Variants in ADAMTS18 observed in about 807,000 individuals in gnomAD.
ADAMTS18 encodes ADAM metallopeptidase with thrombospondin type 1 motif 18.
In ADAMTS18, 157 loss-of-function variants were observed where a neutral mutation model predicts 165.9. The observed-to-expected ratio is 0.95, with a 90% CI of 0.83 to 1.08. ADAMTS18 has a LOEUF of 1.08. ADAMTS18 is among the 50% of genes least tolerant of loss of function. The pLI is 0.00. For missense variants in ADAMTS18, 2,040 were observed against 1,534.0 expected, an observed-to-expected ratio of 1.33 and a Z score of -5.51; for synonymous variants, 782 against 578.2, an observed-to-expected ratio of 1.35 and a Z score of -5.06.
intron 3 of ADAMTS18, among the ~76,000 whole-genome samples, chr16:77,392,613 G>A (rs1650614735): frequency 2.6e-5 from 4 of 151,962 alleles, no homozygotes; most frequent in Non-Finnish European, 4.4e-5. Context: ...CTTTGCCTAT[G>A]GTCCATTTCT....
At chr16:77,396,934 G>C (rs980813375) in intron 3 of ADAMTS18, among the ~76,000 whole-genome samples, 1 of 151,926 alleles carries the variant, frequency 6.6e-6, no homozygotes, top group Non-Finnish European at 1.5e-5. Context: ...AGCCTCCTGA[G>C]TAGCTGGGAT....
chr16:77,340,869 T>C (rs903305168), intron 11 of ADAMTS18, among the ~76,000 whole-genome samples: 1 of 152,132 alleles, frequency 6.6e-6, no homozygotes, highest in East Asian at 1.9e-4. Flanking sequence ...CACCCAGCCT[T>C]GACATAACTT....
chr16:77,286,369 CA>C (rs1332050319), intron 22 of ADAMTS18, among the ~76,000 whole-genome samples: 36 of 152,224 alleles, frequency 2.4e-4, no homozygotes, highest in African/African-American at 7.9e-4. Context: ...TGTCCGTTTC[CA>C]TTTTGAAGCA....
chr16:77,390,141 A>G (rs2057165943), intron 3 of ADAMTS18, among the ~76,000 whole-genome samples: 1 of 152,212 alleles, frequency 6.6e-6, no homozygotes, highest in Non-Finnish European at 1.5e-5. Flanking sequence ...AAACAAAGAC[A>G]AAAACTGAGA....
At chr16:77,405,737 T>A (rs752644326) in intron 3 of ADAMTS18, among the ~76,000 whole-genome samples, 1 of 152,114 alleles carries the variant, frequency 6.6e-6, no homozygotes, top group Non-Finnish European at 1.5e-5. Context: ...GAGGGCTGAC[T>A]TCCTAGGTTA....
In ADAMTS18 at chr16:77,388,780, G is replaced by A. The variant is rs148878687; in HGVS notation, c.496-21057C>T. On this transcript the variant is annotated intron_variant, in intron 3 of 22. Transcript: ENST00000282849. ...TCAGCAATGTTCAGGGAAGCAGAAA[G>A]GAGAAACCTTGTATATTCTGGTCCA... Among the ~76,000 whole-genome samples, 283 of 152,302 alleles carry A rather than the reference G, an allele frequency of 1.9e-3. 1 individual carries two copies. The highest frequency in any genetic ancestry group is 6.3e-3 in the African/African-American group (260 of 41,558).
At chr16:77,318,442 C>G (rs926634814) in intron 16 of ADAMTS18, among the ~76,000 whole-genome samples, 1 of 152,202 alleles carries the variant, frequency 6.6e-6, no homozygotes, top group East Asian at 1.9e-4. Context: ...TTACATGTAA[C>G]ACAGTCTGTT....
intron 16 of ADAMTS18, among the ~76,000 whole-genome samples, chr16:77,313,990 T>A (rs1270477680): frequency 6.6e-6 from 1 of 152,234 alleles, no homozygotes; most frequent in Non-Finnish European, 1.5e-5. Context: ...GATTCACTGT[T>A]GAGCTCCAAA....
intron 3 of ADAMTS18, among the ~76,000 whole-genome samples, chr16:77,405,871 A>G (rs919116552): frequency 1.3e-5 from 2 of 152,138 alleles, no homozygotes; most frequent in African/African-American, 4.8e-5. Flanking sequence ...GACCTCATTT[A>G]ACCTTCACTA....
intron 15 of ADAMTS18, among the ~76,000 whole-genome samples, chr16:77,320,409 T>C (rs560621619): frequency 1.8e-4 from 27 of 152,250 alleles, no homozygotes; most frequent in African/African-American, 6.3e-4. Context: ...AAGACCAAAG[T>C]GGGCGGATCA....
intron 10 of ADAMTS18, among the ~76,000 whole-genome samples, chr16:77,349,835 C>A (rs373702463): frequency 3.7e-4 from 56 of 152,228 alleles, no homozygotes; most frequent in African/African-American, 1.3e-3. Flanking sequence ...GAATGATAGG[C>A]CTGAGAACAT....
At chr16:77,414,989 T>C (rs1327344098) in intron 3 of ADAMTS18, among the ~76,000 whole-genome samples, 1 of 152,226 alleles carries the variant, frequency 6.6e-6, no homozygotes, top group Non-Finnish European at 1.5e-5. Flanking sequence ...CTGCAGTTAT[T>C]GTTGGCAGAC....
chr16:77,431,936 T>C, intron 2 of ADAMTS18, among the ~76,000 whole-genome samples: 1 of 152,226 alleles, frequency 6.6e-6, no homozygotes, highest in East Asian at 1.9e-4. Context: ...TCTGGGCCTT[T>C]TATAATATTG....
intron 3 of ADAMTS18, among the ~76,000 whole-genome samples, chr16:77,403,615 C>T (rs1456131285): frequency 2.0e-5 from 3 of 152,194 alleles, no homozygotes; most frequent in Non-Finnish European, 2.9e-5. Flanking sequence ...CTGTTGATGG[C>T]TTAGTCAGGT....
At chr16:77,379,026 T>C (rs1043270677) in intron 3 of ADAMTS18, 1 of 149,142 alleles carries the variant, frequency 6.7e-6, no homozygotes, top group East Asian at 2.1e-4. Flanking sequence ...TAACTGAAGA[T>C]ATTTAAAGAC....
At position 77,323,191 on chromosome 16, in the gene ADAMTS18, A is replaced by G. The variant is rs115733524; in HGVS notation, c.2033-725T>C. On this transcript the variant is annotated intron_variant, in intron 13 of 22. Transcript: ENST00000282849. Reference sequence around the variant, plus strand: ...GAGTTCCTATGCCAATTTCTCAAATAGAAAGAGCTCTTCTTGGCCAGGAAT... The same window carrying G: ...GAGTTCCTATGCCAATTTCTCAAATGGAAAGAGCTCTTCTTGGCCAGGAAT... Among the ~76,000 whole-genome samples the G allele has an allele frequency of 2.9e-3, 437 of 152,314 alleles. 6 individuals carry two copies. Among genetic ancestry groups the G allele is most frequent in the African/African-American group, 9.3e-3 (388 of 41,588 alleles).
At position 77,314,781 on chromosome 16, in the gene ADAMTS18, T is replaced by C. The variant is rs1353819669; in HGVS notation, c.2532+5068A>G. Among the ~76,000 whole-genome samples the C allele has an allele frequency of 4.5e-4, 40 of 88,334 alleles. 4 individuals carry two copies. The highest frequency in any genetic ancestry group is 5.1e-4 in the Non-Finnish European group (22 of 43,290). The allele number at this position is 88,334 out of a possible 152,430, so 58.0% of individuals were successfully genotyped here. A position where few individuals can be genotyped will look rare whatever the true frequency, so the allele number is the denominator to read the frequency against. ...ATATATATATATATATATATATATATATATAAAATATATGTGATATGCTCA... is the reference window on the plus strand; with the variant it reads ...ATATATATATATATATATATATATACATATAAAATATATGTGATATGCTCA... On this transcript the variant is annotated intron_variant, in intron 16 of 22. Transcript: ENST00000282849.
intron 10 of ADAMTS18, among the ~76,000 whole-genome samples, chr16:77,350,605 G>T (rs2056541632): frequency 6.6e-6 from 1 of 152,178 alleles, no homozygotes; most frequent in Non-Finnish European, 1.5e-5. Context: ...CTAGGTCTTT[G>T]TGACTCCCAA....
At chr16:77,362,819 A>C (rs1337308818) in intron 6 of ADAMTS18, among the ~76,000 whole-genome samples, 1 of 152,210 alleles carries the variant, frequency 6.6e-6, no homozygotes, top group African/African-American at 2.4e-5. Context: ...TGACTTGGCC[A>C]AGTTGAAGGT....
Sources: allele counts gnomAD v4.1 joint callset (sites outside exome capture counted in the v4.1 genomes callset), GRCh38; gene constraint gnomAD v4.1.1; transcripts MANE v1.5; gene names NCBI Gene and HGNC (gene_info 2026-07-23, HGNC 2026-07-21).